OXR1: variants seen among roughly 807,000 people sequenced by gnomAD.
OXR1 encodes oxidation resistance 1, also known as oxidation resistance protein 1.
Under a neutral mutation model 104.6 loss-of-function variants are expected in OXR1, and 41 were observed. The ratio of observed to expected loss-of-function variants is 0.39; its 90% confidence interval spans 0.31 to 0.51. The LOEUF is 0.51. Among genes scored for constraint, OXR1 ranks in the 20% least tolerant of loss-of-function variants. OXR1 has a pLI of 0.77. For missense variants in OXR1, 955 were observed against 1,031.9 expected (o/e 0.93, Z 1.02); for synonymous variants, 348 against 348.4 (o/e 1.00, Z 0.01).
chr8:106,741,416 T>C (rs1448401603), intron 14 of OXR1, among the ~76,000 whole-genome samples: 1 of 152,126 alleles, frequency 6.6e-6, no homozygotes, highest in East Asian at 1.9e-4. Context: ...GAACTAGTAG[T>C]GTTCTGTTTC....
At chr8:106,530,676 A>G (rs1463815895) in intron 3 of OXR1, among the ~76,000 whole-genome samples, 1 of 152,220 alleles carries the variant, frequency 6.6e-6, no homozygotes, top group Non-Finnish European at 1.5e-5. Flanking sequence ...TGAAGATTAT[A>G]AATGTTACAG....
chr8:106,671,634 AG>A (rs1290106015), intron 3 of OXR1, among the ~76,000 whole-genome samples: 2 of 152,108 alleles, frequency 1.3e-5, no homozygotes, highest in Non-Finnish European at 2.9e-5. Flanking sequence ...AATATTATGC[AG>A]CCATAAAAAA....
At chr8:106,719,802 TTTTA>T (rs1180378492) in intron 11 of OXR1, among the ~76,000 whole-genome samples, 4 of 152,130 alleles carry the variant, frequency 2.6e-5, no homozygotes, top group South Asian at 2.1e-4. Context: ...CTTTGTATTT[TTTTA>T]TTTATTTTAT....
At chr8:106,652,496 A>T (rs1391387583) in intron 3 of OXR1, among the ~76,000 whole-genome samples, 1 of 152,106 alleles carries the variant, frequency 6.6e-6, no homozygotes, top group Non-Finnish European at 1.5e-5. Context: ...AAACATGTGG[A>T]AATTAAACAA....
chr8:106,686,007 A>G (rs779882433), intron 6 of OXR1, among the ~76,000 whole-genome samples: 2 of 152,314 alleles, frequency 1.3e-5, no homozygotes, highest in East Asian at 1.9e-4. Flanking sequence ...CTCTTATTCT[A>G]AGTGAAGTAA....
rs1004223385 is a variant in OXR1, at chr8:106,277,793, C to T, written c.-139+7426C>T. ...GTTCAAACCTAGTGAAGAGGACAGT[C>T]TCTTCCTGTACCTTTTACAGATGAA... On this transcript the variant is annotated intron_variant, in intron 1 of 16. Transcript: ENST00000517566. 2.6e-5 allele frequency among the ~76,000 whole-genome samples: 4 copies of T among 152,218 alleles called. No homozygotes were observed. The East Asian group carries it at 5.8e-4, about 22-fold the overall frequency.
At chr8:106,300,303 A>T (rs941185380) in intron 1 of OXR1, among the ~76,000 whole-genome samples, 3 of 151,972 alleles carry the variant, frequency 2.0e-5, no homozygotes, top group African/African-American at 2.4e-5. Flanking sequence ...GTTGCTTTGT[A>T]TGTATTAACT....
intron 7 of OXR1, among the ~76,000 whole-genome samples, chr8:106,694,446 T>TTATATATATTTGTTATATAAATATATTTA: frequency 7.3e-6 from 1 of 136,284 alleles, no homozygotes; most frequent in South Asian, 2.2e-4. Context: ...AAATATATTT[T>TTATATATATTTGTTATATAAATATATTTA]TATATATATT....
intron 3 of OXR1, among the ~76,000 whole-genome samples, chr8:106,593,015 C>T (rs1008776783): frequency 2.0e-5 from 3 of 152,150 alleles, no homozygotes; most frequent in African/African-American, 7.2e-5. Flanking sequence ...TCCTTGAGTC[C>T]TCTCCTTTCC....
intron 3 of OXR1, among the ~76,000 whole-genome samples, chr8:106,582,528 G>T (rs978132331): frequency 1.3e-5 from 2 of 151,856 alleles, no homozygotes; most frequent in African/African-American, 2.4e-5. Context: ...ACAATGGAGA[G>T]CGTTAAATAA....
chr8:106,722,747 G>C (rs927731579), intron 11 of OXR1, among the ~76,000 whole-genome samples: 2 of 152,172 alleles, frequency 1.3e-5, no homozygotes, highest in East Asian at 3.8e-4. Flanking sequence ...AGTACACACT[G>C]TGATGTTCAC....
At chr8:106,435,742 C>T (rs1031446489) in intron 2 of OXR1, among the ~76,000 whole-genome samples, 15 of 152,104 alleles carry the variant, frequency 9.9e-5, no homozygotes, top group Non-Finnish European at 1.6e-4. Context: ...ATTCCTTCTT[C>T]GCCACCATAG....
intron 3 of OXR1, among the ~76,000 whole-genome samples, chr8:106,610,147 C>T (rs1218135203): frequency 4.0e-5 from 6 of 149,122 alleles, no homozygotes; most frequent in Non-Finnish European, 8.9e-5. Flanking sequence ...CAGTTGCCTT[C>T]AGTGTTCTTT....
intron 3 of OXR1, among the ~76,000 whole-genome samples, chr8:106,579,341 G>A (rs571410232): frequency 1.3e-5 from 2 of 152,252 alleles, no homozygotes; most frequent in African/African-American, 2.4e-5. Flanking sequence ...GCTCTCCTGT[G>A]TGTCCTTTCA....
intron 2 of OXR1, among the ~76,000 whole-genome samples, chr8:106,392,143 A>G (rs916863099): frequency 6.6e-6 from 1 of 152,226 alleles, no homozygotes; most frequent in African/African-American, 2.4e-5. Context: ...TAGGACTTAC[A>G]AATAACCCAA....
intron 3 of OXR1, among the ~76,000 whole-genome samples, chr8:106,673,847 C>T (rs533603785): frequency 9.5e-4 from 144 of 152,304 alleles, no homozygotes; most frequent in African/African-American, 3.1e-3. Context: ...GGTTTACGTG[C>T]GGTGGTGTGC....
intron 2 of OXR1, among the ~76,000 whole-genome samples, chr8:106,434,280 C>G (rs1819484297): frequency 6.6e-6 from 1 of 152,176 alleles, no homozygotes; most frequent in Non-Finnish European, 1.5e-5. Context: ...CAACACTACT[C>G]TTCCACTAAA....
intron 16 of OXR1, among the ~76,000 whole-genome samples, chr8:106,749,724 A>T (rs1248685028): frequency 6.6e-6 from 1 of 152,104 alleles, no homozygotes; most frequent in East Asian, 1.9e-4. Flanking sequence ...AGATTTAGAG[A>T]ATCCCAAGGG....
At chr8:106,375,035 C>T (rs1187497730) in intron 2 of OXR1, among the ~76,000 whole-genome samples, 1 of 152,144 alleles carries the variant, frequency 6.6e-6, no homozygotes, top group Admixed American at 6.6e-5. Context: ...ATGACTATGA[C>T]AAAATAAATT....
Sources: gnomAD v4.1 joint callset for allele counts (sites outside exome capture counted in the v4.1 genomes callset) on GRCh38, gnomAD v4.1.1 for gene constraint, MANE v1.5 for transcripts, NCBI Gene and HGNC (gene_info 2026-07-23, HGNC 2026-07-21) for gene names.